Variants in PPFIA2 observed in about 807,000 individuals in gnomAD.
The protein encoded by PPFIA2 is liprin-alpha-2.
PPFIA2 carries 46 observed loss-of-function variants against 175.5 expected under a neutral mutation model. That is an observed-to-expected ratio of 0.26 (90% CI 0.21 to 0.34). The LOEUF is 0.34. PPFIA2 is among the 10% of genes least tolerant of loss of function. The pLI, the probability that PPFIA2 is intolerant of heterozygous loss-of-function variation, is 1.00. For synonymous variants in PPFIA2, 568 were observed against 511.4 expected (o/e 1.11, Z -1.49); for missense variants, 1,179 against 1,506.1 (o/e 0.78, Z 3.60).
chr12:81,644,428 G>A (rs2065780150), intron 4 of PPFIA2, among the ~76,000 whole-genome samples: 3 of 151,796 alleles, frequency 2.0e-5, no homozygotes, highest in Admixed American at 2.0e-4. Context: ...GTTCCTGATA[G>A]CTCTGTTATT....
chr12:81,418,824 C>G (rs2045775169), intron 7 of PPFIA2, among the ~76,000 whole-genome samples: 1 of 151,816 alleles, frequency 6.6e-6, no homozygotes, highest in Non-Finnish European at 1.5e-5. Flanking sequence ...AAAAATTACC[C>G]CTGAAAATGA....
At chr12:81,392,749 G>A (rs2040383339) in intron 8 of PPFIA2, among the ~76,000 whole-genome samples, 1 of 151,894 alleles carries the variant, frequency 6.6e-6, no homozygotes, top group South Asian at 2.1e-4. Context: ...AACTCAATAT[G>A]TTTAAAATCT....
Position 81,323,196 on chromosome 12 carries a change from ATCCTAGCAAATTTGAAAATAAGAT to A in PPFIA2, c.2642+2557_2642+2580del, listed in dbSNP as rs1253810044. Reference sequence around the variant, plus strand: ...AGACTGTCAATTCTAAATAGCTGCTATCCTAGCAAATTTGAAAATAAGATATTGTCTAGTTCTGGCTATCCTCAC... The same window carrying A: ...AGACTGTCAATTCTAAATAGCTGCTAATTGTCTAGTTCTGGCTATCCTCAC... On this transcript the variant is annotated intron_variant, in intron 22 of 32. Coordinates refer to ENST00000549396, the MANE Select transcript of PPFIA2 (RefSeq NM_003625.5). Among the ~76,000 whole-genome samples the A allele has an allele frequency of 2.6e-3, 390 of 152,286 alleles. 1 individual carries two copies. Among genetic ancestry groups the A allele is most frequent in the African/African-American group, 9.0e-3 (375 of 41,572 alleles).
At chr12:81,609,196 G>A (rs1226641457) in intron 4 of PPFIA2, among the ~76,000 whole-genome samples, 2 of 151,968 alleles carry the variant, frequency 1.3e-5, no homozygotes, top group East Asian at 1.9e-4. Context: ...TTATGAGTAA[G>A]CATGTCATCA....
intron 4 of PPFIA2, among the ~76,000 whole-genome samples, chr12:81,562,379 C>G (rs1290196849): frequency 6.6e-6 from 1 of 152,030 alleles, no homozygotes; most frequent in Non-Finnish European, 1.5e-5. Flanking sequence ...GAAAATAATT[C>G]TGAAAATGGT....
intron 3 of PPFIA2, among the ~76,000 whole-genome samples, chr12:81,690,041 C>G (rs2075035528): frequency 2.0e-5 from 3 of 152,130 alleles, no homozygotes; most frequent in Admixed American, 6.6e-5. Flanking sequence ...CATGGCTCCC[C>G]TGGTTCTGGT....
In PPFIA2 at chr12:81,563,938, T is replaced by C. The variant is rs149950200; in HGVS notation, c.304-106072A>G. Among the ~76,000 whole-genome samples the C allele has an allele frequency of 4.5e-3, 681 of 152,302 alleles. 1 individual carries two copies. Among genetic ancestry groups the C allele is most frequent in the Non-Finnish European group, 7.0e-3 (474 of 68,018 alleles). The stretch of plus-strand genomic sequence containing the variant: ...TATTTGCCATTGCAGTATGGTATCA[T>C]AGAAGATGAGTCACTTACAAAAAAC... On this transcript the variant is annotated intron_variant, in intron 4 of 32. Coordinates refer to ENST00000549396, the MANE Select transcript of PPFIA2 (RefSeq NM_003625.5).
At chr12:81,283,102 C>G (rs1053660814) in intron 25 of PPFIA2, 63 bp from the exon 26 acceptor site, 30 of 1,527,614 alleles carry the variant, frequency 2.0e-5, no homozygotes, top group African/African-American at 2.8e-5. Context: ...CAAATCAATA[C>G]AGTAAAATTT....
chr12:81,726,601 T>C (rs1391979360), intron 3 of PPFIA2, among the ~76,000 whole-genome samples: 2 of 151,352 alleles, frequency 1.3e-5, no homozygotes, highest in East Asian at 3.9e-4. Context: ...GAGAAGTTTC[T>C]AATGTAAAAC....
chr12:81,481,415 A>G (rs1012891969), intron 4 of PPFIA2, among the ~76,000 whole-genome samples: 41 of 152,190 alleles, frequency 2.7e-4, no homozygotes, highest in Admixed American at 2.3e-3. Flanking sequence ...TGGAACCAAT[A>G]AAGAGCCCGC....
At chr12:81,729,512 A>T (rs1428558817) in intron 3 of PPFIA2, among the ~76,000 whole-genome samples, 1 of 151,514 alleles carries the variant, frequency 6.6e-6, no homozygotes, top group South Asian at 2.1e-4. Flanking sequence ...ATTATTGGAG[A>T]TATTTTTAAA....
chr12:81,393,968 T>C (rs547796273), intron 8 of PPFIA2, among the ~76,000 whole-genome samples: 1 of 152,164 alleles, frequency 6.6e-6, no homozygotes, highest in South Asian at 2.1e-4. Context: ...TGGTTTAATT[T>C]GGCCTGTATG....
At chr12:81,650,864 C>T (rs964584159) in intron 4 of PPFIA2, among the ~76,000 whole-genome samples, 1 of 152,106 alleles carries the variant, frequency 6.6e-6, no homozygotes, top group African/African-American at 2.4e-5. Flanking sequence ...GACTGAATTT[C>T]AAGACAAGCT....
At position 81,284,148 on chromosome 12, in the gene PPFIA2, A is replaced by G. The variant is rs1299773330; in HGVS notation, c.2988+93T>C. 3 of 994,542 alleles carry G rather than the reference A, an allele frequency of 3.0e-6. No individual in the cohort carries two copies. In the Admixed American group the frequency reaches 6.0e-5, roughly 20 times the overall value. The allele number at this position is 994,542 out of a possible 1,614,324, so 61.6% of individuals were successfully genotyped here. A position where few individuals can be genotyped will look rare whatever the true frequency, so the allele number is the denominator to read the frequency against. ...GCATGTAACTATAAAAACACACCCT[A>G]TTACTCTGGTCTATTGTAAACAGAT... On this transcript the variant is annotated intron_variant, in intron 25 of 32. Coordinates refer to ENST00000549396, the MANE Select transcript of PPFIA2 (RefSeq NM_003625.5).
chr12:81,430,101 T>A (rs1291335553), intron 7 of PPFIA2: 1 of 152,110 alleles, frequency 6.6e-6, no homozygotes, highest in African/African-American at 2.4e-5. Context: ...TTTTCCTTCC[T>A]CCATTTCTCA....
At chr12:81,301,691 C>T (rs2047890383) in intron 22 of PPFIA2, among the ~76,000 whole-genome samples, 1 of 152,158 alleles carries the variant, frequency 6.6e-6, no homozygotes, top group Non-Finnish European at 1.5e-5. Context: ...ACACTGGCCT[C>T]CTTGCTGTTC....
chr12:81,282,915 G>C (rs1026987765), intron 26 of PPFIA2, 95 bp downstream of exon 26: 12 of 1,091,326 alleles, frequency 1.1e-5, no homozygotes, highest in Middle Eastern at 4.0e-4. Context: ...GCTAAGTGAA[G>C]GTTTACAATA....
At chr12:81,730,379 T>C (rs923811608) in intron 3 of PPFIA2, among the ~76,000 whole-genome samples, 1 of 151,610 alleles carries the variant, frequency 6.6e-6, no homozygotes, top group Non-Finnish European at 1.5e-5. Context: ...TGGGGAGGCC[T>C]CAGGAAATTT....
At chr12:81,451,105 T>C (rs889984371) in intron 5 of PPFIA2, among the ~76,000 whole-genome samples, 10 of 152,134 alleles carry the variant, frequency 6.6e-5, no homozygotes, top group Non-Finnish European at 1.5e-4. Flanking sequence ...TTGACACACA[T>C]ACACACGCTC....
Sources: gnomAD v4.1 joint callset for allele counts (sites outside exome capture counted in the v4.1 genomes callset) on GRCh38, gnomAD v4.1.1 for gene constraint, MANE v1.5 for transcripts, NCBI Gene and HGNC (gene_info 2026-07-23, HGNC 2026-07-21) for gene names.